Variants in SUMF1 observed in about 807,000 individuals in gnomAD.
SUMF1 encodes sulfatase modifying factor 1.
Under a neutral mutation model 47.6 loss-of-function variants are expected in SUMF1, and 48 were observed. The observed-to-expected ratio is 1.01, with a 90% confidence interval of 0.80 to 1.28. The LOEUF (loss-of-function observed/expected upper bound fraction) is 1.28, where lower values mean the gene tolerates loss of function less well. SUMF1 is among the 50% of genes most tolerant of loss of function. The pLI is 0.00. For missense variants in SUMF1, 571 were observed against 485.4 expected, an observed-to-expected ratio of 1.18 and a Z score of -1.66; for synonymous variants, 230 against 192.1, an observed-to-expected ratio of 1.20 and a Z score of -1.63.
chr3:4,173,068 T>C (rs1694870046), intron 8 of SUMF1, among the ~76,000 whole-genome samples: 1 of 152,206 alleles, frequency 6.6e-6, no homozygotes. Flanking sequence ...GTTTTCTACA[T>C]AGGGCTAGCT....
chr3:4,366,621 ATTTT>A (rs1249975906), intron 8 of SUMF1, among the ~76,000 whole-genome samples: 2 of 150,914 alleles, frequency 1.3e-5, no homozygotes, highest in Admixed American at 6.6e-5. Context: ...ATTCGTCTAA[ATTTT>A]TTTCAAAGTT....
chr3:4,080,205 C>T lies in SUMF1; in HGVS notation c.1015-11460G>A, dbSNP rs77938419. ...TATTCCTTGCACAAATGCACACGTA[C>T]ATTCCATTTGCTTTGATCTCAAACT... is the stretch of plus-strand genomic sequence containing the variant. On this transcript the variant is annotated intron_variant and NMD_transcript_variant, in intron 8 of 12. Coordinates refer to the SUMF1 transcript ENST00000448413. Among the ~76,000 whole-genome samples the T allele has an allele frequency of 4.8e-3, 732 of 152,238 alleles. 12 individuals are homozygous for T. The highest frequency in any genetic ancestry group is 0.017 in the African/African-American group (697 of 41,522).
intron 8 of SUMF1, among the ~76,000 whole-genome samples, chr3:4,174,648 C>T (rs115252977): frequency 0.016 from 2,483 of 152,226 alleles, 60 homozygotes; most frequent in African/African-American, 0.057. Flanking sequence ...TTCTGCATTT[C>T]CACTGAGGTA....
chr3:4,103,827 A>G lies in SUMF1; in HGVS notation c.1015-35082T>C, dbSNP rs376885116. Among the ~76,000 whole-genome samples, 18 of 152,268 alleles carry G rather than the reference A, an allele frequency of 1.2e-4. 2 individuals are homozygous for G. The East Asian group carries it at 2.1e-3, about 18-fold the overall frequency. ...ACCTTGCTCCATATCACACAACTGG[A>G]AACAGCTGATAGAAGAATCAACCAC... On this transcript the variant is annotated intron_variant and NMD_transcript_variant, in intron 8 of 12. Coordinates refer to the SUMF1 transcript ENST00000448413.
chr3:4,190,972 G>C (rs1469503904), intron 8 of SUMF1, among the ~76,000 whole-genome samples: 4 of 152,154 alleles, frequency 2.6e-5, no homozygotes, highest in Admixed American at 2.6e-4. Context: ...CAGACAGTAG[G>C]CAAACAGACA....
chr3:4,227,007 G>A (rs1314341186), intron 8 of SUMF1, among the ~76,000 whole-genome samples: 1 of 152,108 alleles, frequency 6.6e-6, no homozygotes, highest in African/African-American at 2.4e-5. Context: ...GAACTTGGGA[G>A]TTTCCATTTC....
chr3:4,278,909 C>A (rs1697473551), intron 8 of SUMF1, among the ~76,000 whole-genome samples: 1 of 152,090 alleles, frequency 6.6e-6, no homozygotes, highest in Non-Finnish European at 1.5e-5. Flanking sequence ...TTACATCAGA[C>A]AAATGATTGA....
At chr3:4,250,869 T>A (rs569039186) in intron 8 of SUMF1, among the ~76,000 whole-genome samples, 4 of 152,354 alleles carry the variant, frequency 2.6e-5, no homozygotes, top group Non-Finnish European at 4.4e-5. Context: ...TGCTCATTGA[T>A]AATGTACCTG....
chr3:4,040,479 A>T (rs1694888914), intron 9 of SUMF1, among the ~76,000 whole-genome samples: 1 of 152,210 alleles, frequency 6.6e-6, no homozygotes, highest in South Asian at 2.1e-4. Context: ...AATGATTTAG[A>T]TGAAGATATA....
intron 8 of SUMF1, among the ~76,000 whole-genome samples, chr3:4,243,655 C>T (rs760615812): frequency 1.3e-5 from 2 of 152,130 alleles, no homozygotes; most frequent in East Asian, 3.8e-4. Flanking sequence ...TGTTCTTTTA[C>T]ATTTGCTGAG....
rs112505335 is a variant in SUMF1 at position 4,331,310 on chromosome 3, C to G, written c.1014+45020G>C. Among the ~76,000 whole-genome samples, 748 of 151,846 alleles carry G rather than the reference C, an allele frequency of 4.9e-3. 5 individuals are homozygous for G. Among genetic ancestry groups the G allele is most frequent in the Non-Finnish European group, 6.8e-3 (461 of 67,968 alleles). On this transcript the variant is annotated intron_variant and NMD_transcript_variant, in intron 8 of 12. Transcript: ENST00000448413. ...ATGCCTTCTGATAACTTTTCTTAAA[C>G]CAAAAACATGTCCTACTTCCCTTAT...
intron 8 of SUMF1, among the ~76,000 whole-genome samples, chr3:4,232,039 C>G (rs1438612093): frequency 6.6e-6 from 1 of 152,118 alleles, no homozygotes; most frequent in Non-Finnish European, 1.5e-5. Context: ...GTGAGTGTCT[C>G]ATGTAAATTC....
intron 8 of SUMF1, among the ~76,000 whole-genome samples, chr3:4,242,633 A>G (rs768493689): frequency 2.0e-5 from 3 of 152,174 alleles, no homozygotes; most frequent in Non-Finnish European, 4.4e-5. Flanking sequence ...CCACTTGATC[A>G]TGGTGGATAA....
intron 8 of SUMF1, among the ~76,000 whole-genome samples, chr3:4,286,475 A>G (rs935043041): frequency 6.6e-6 from 1 of 152,136 alleles, no homozygotes; most frequent in Non-Finnish European, 1.5e-5. Context: ...CTCTGGAATG[A>G]AAAACAACTT....
intron 8 of SUMF1, chr3:4,317,447 C>A: frequency 2.0e-6 from 1 of 511,810 alleles, no homozygotes; most frequent in Non-Finnish European, 3.5e-6. Flanking sequence ...CTTTGGGAGG[C>A]CCAGGCGGGC....
chr3:4,124,664 A>G (rs1574904666), intron 8 of SUMF1, among the ~76,000 whole-genome samples: 1 of 152,096 alleles, frequency 6.6e-6, no homozygotes, highest in Admixed American at 6.6e-5. Context: ...AAGGACACAC[A>G]TTTACTATTT....
intron 6 of SUMF1, among the ~76,000 whole-genome samples, chr3:4,414,027 C>G (rs562735645): frequency 2.0e-4 from 30 of 152,236 alleles, no homozygotes; most frequent in Non-Finnish European, 2.9e-5. Context: ...CCACGCCCGG[C>G]TAATTTTTCT....
chr3:4,454,856 ATG>A (rs1703101699), intron 1 of SUMF1, among the ~76,000 whole-genome samples: 1 of 152,234 alleles, frequency 6.6e-6, no homozygotes, highest in South Asian at 2.1e-4. Context: ...TTCATATGAA[ATG>A]TCCAGAATAG....
At chr3:4,240,926 T>A (rs1696523452) in intron 8 of SUMF1, among the ~76,000 whole-genome samples, 1 of 151,986 alleles carries the variant, frequency 6.6e-6, no homozygotes, top group Non-Finnish European at 1.5e-5. Flanking sequence ...AAGACTTAAA[T>A]GACAAATGAC....
Sources: gnomAD v4.1 joint callset for allele counts (sites outside exome capture counted in the v4.1 genomes callset) on GRCh38, gnomAD v4.1.1 for gene constraint, MANE v1.5 for transcripts, NCBI Gene and HGNC (gene_info 2026-07-23, HGNC 2026-07-21) for gene names.